The following RUNX2 variants were observed in gnomAD, a reference collection of about 807,000 sequenced individuals.
RUNX2 encodes the protein RUNX family transcription factor 2, also known as runt-related transcription factor 2.
In RUNX2, 10 loss-of-function variants were observed where a neutral mutation model predicts 51.7. The observed-to-expected ratio is 0.19, with a 90% CI of 0.12 to 0.33. The LOEUF (loss-of-function observed/expected upper bound fraction) is 0.33, where lower values mean the gene tolerates loss of function less well. Ranked by LOEUF, RUNX2 falls within the 10% of genes least tolerant of loss-of-function variation. The pLI is 1.00. For synonymous variants in RUNX2, 276 were observed against 273.6 expected, an observed-to-expected ratio of 1.01 and a Z score of -0.09; for missense variants, 562 against 691.3, an observed-to-expected ratio of 0.81 and a Z score of 2.10.
At chr6:45,540,644 A>G (rs549401844) in intron 7 of RUNX2, among the ~76,000 whole-genome samples, 107 of 152,318 alleles carry the variant, frequency 7.0e-4, no homozygotes, top group African/African-American at 2.4e-3. Context: ...CTGTTCCTTT[A>G]AACTATTCAC....
At chr6:45,474,124 C>A (rs1389850478) in intron 5 of RUNX2, among the ~76,000 whole-genome samples, 1 of 152,098 alleles carries the variant, frequency 6.6e-6, no homozygotes, top group South Asian at 2.1e-4. Flanking sequence ...TCTGTCCAAA[C>A]CCTTAGTGCA....
intron 6 of RUNX2, among the ~76,000 whole-genome samples, chr6:45,503,377 AT>A (rs1271231976): frequency 1.3e-5 from 2 of 152,176 alleles, no homozygotes; most frequent in African/African-American, 4.8e-5. Flanking sequence ...ATGAGAGACA[AT>A]TACTAGAACG....
chr6:45,511,802 C>G (rs143816467), intron 6 of RUNX2, among the ~76,000 whole-genome samples: 23 of 152,336 alleles, frequency 1.5e-4, no homozygotes, highest in Admixed American at 2.6e-4. Context: ...GCGAAAGGCA[C>G]AGTCTACATA....
At chr6:45,545,377 G>A in intron 8 of RUNX2, 95 bp downstream of exon 8, 1 of 1,373,942 alleles carries the variant, frequency 7.3e-7, no homozygotes, top group Non-Finnish European at 9.8e-7. Context: ...TTAACTATAT[G>A]TTGCTTTTAA....
intron 7 of RUNX2, among the ~76,000 whole-genome samples, chr6:45,543,974 C>A (rs1213636183): frequency 2.0e-5 from 3 of 150,662 alleles, no homozygotes; most frequent in Non-Finnish European, 4.4e-5. Context: ...GGTACTAGAG[C>A]AAATTGTTAC....
At chr6:45,485,705 A>G (rs915141775) in intron 5 of RUNX2, among the ~76,000 whole-genome samples, 5 of 132,566 alleles carry the variant, frequency 3.8e-5, no homozygotes, top group African/African-American at 1.1e-4. Context: ...GTGTATATAT[A>G]TATATATATA....
Position 45,363,935 on chromosome 6 carries a change from C to T in RUNX2, c.58+35151C>T, listed in dbSNP as rs77513501. Among the ~76,000 whole-genome samples the T allele has an allele frequency of 1.1e-3, 160 of 151,690 alleles. 5 individuals are homozygous for T. The East Asian group carries it at 0.026, about 25-fold the overall frequency. On this transcript the variant is annotated intron_variant, in intron 2 of 8. Transcript: ENST00000647337. ...TTCTAAGTAATTCTGGCCAACATGG[C>T]GAAACCCTGTCTCTACTAAAAATAC...
intron 5 of RUNX2, among the ~76,000 whole-genome samples, chr6:45,450,335 C>T (rs1206561564): frequency 6.6e-6 from 1 of 152,116 alleles, no homozygotes; most frequent in Non-Finnish European, 1.5e-5. Context: ...GCTGACAGAG[C>T]CTTTTTTTTG....
intron 7 of RUNX2, among the ~76,000 whole-genome samples, chr6:45,541,893 G>A (rs116676284): frequency 0.013 from 1,903 of 152,148 alleles, 56 homozygotes; most frequent in African/African-American, 0.043. Context: ...CCCATTTTCC[G>A]TCAACCAACC....
At chr6:45,488,531 G>T (rs1800353679) in intron 5 of RUNX2, among the ~76,000 whole-genome samples, 1 of 152,178 alleles carries the variant, frequency 6.6e-6, no homozygotes. Context: ...ATCACCTTGG[G>T]CAGTGGTTCT....
rs553154980 is a variant in RUNX2 at position 45,533,888 on chromosome 6, CTTTTTTTT to C, written c.1022-11313_1022-11306del. On this transcript the variant is annotated intron_variant, in intron 7 of 8. Transcript: ENST00000647337. ...AATACCGTCCTTTCCCCTGTTGAGA[CTTTTTTTT>C]TTTTTTTTTTTTTTTGGAGACAGAG... Among the ~76,000 whole-genome samples, 8 of 108,086 alleles carry C rather than the reference CTTTTTTTT, an allele frequency of 7.4e-5. 1 individual carries two copies. Among genetic ancestry groups the C allele is most frequent in the African/African-American group, 2.6e-4 (7 of 26,968 alleles). The allele number at this position is 108,086 out of a possible 152,430, so 70.9% of individuals were successfully genotyped here. A position where few individuals can be genotyped will look rare whatever the true frequency, so the allele number is the denominator to read the frequency against.
chr6:45,471,581 A>C (rs1340615907), intron 5 of RUNX2, among the ~76,000 whole-genome samples: 18 of 151,380 alleles, frequency 1.2e-4, no homozygotes, highest in Non-Finnish European at 8.8e-5. Flanking sequence ...AGCAGCTGGG[A>C]CTACAGGCGC....
chr6:45,400,861 C>A (rs1797702717), intron 2 of RUNX2, among the ~76,000 whole-genome samples: 1 of 152,158 alleles, frequency 6.6e-6, no homozygotes, highest in South Asian at 2.1e-4. Flanking sequence ...AAAATGCCTC[C>A]AGCCATATTG....
intron 2 of RUNX2, among the ~76,000 whole-genome samples, chr6:45,385,577 A>G (rs1797331330): frequency 6.6e-6 from 1 of 152,228 alleles, no homozygotes; most frequent in Admixed American, 6.5e-5. Context: ...CATCACAGAA[A>G]CACAACTTAA....
At chr6:45,509,351 C>A (rs2150418999) in intron 6 of RUNX2, among the ~76,000 whole-genome samples, 1 of 152,252 alleles carries the variant, frequency 6.6e-6, no homozygotes, top group African/African-American at 2.4e-5. Flanking sequence ...TTATTATATA[C>A]TTAATATGTG....
intron 1 of RUNX2, 29 bp from the exon 2 acceptor site, chr6:45,328,632 C>G: frequency 6.2e-7 from 1 of 1,608,906 alleles, no homozygotes; most frequent in South Asian, 1.1e-5. Flanking sequence ...AAAACTAAAA[C>G]AAGGTTTGGG....
rs1420822648 is a variant in RUNX2 at position 45,545,199 on chromosome 6, A to G, written c.1022-18A>G. The G allele has an allele frequency of 3.3e-6, 5 of 1,533,302 alleles. No individual in the cohort carries two copies. The highest frequency in any genetic ancestry group is 4.4e-6 in the Non-Finnish European group (5 of 1,134,342). The allele number at this position is 1,533,302 out of a possible 1,614,324, so 95.0% of individuals were successfully genotyped here. On this transcript the variant is annotated intron_variant, in intron 7 of 8. Coordinates refer to ENST00000647337, the MANE Select transcript of RUNX2 (RefSeq NM_001024630.4). ...AGAGCTGGAAGGGAACTTAGAGCTC[A>G]TCCCCCTCATTTTACAGATGATGAC...
intron 2 of RUNX2, among the ~76,000 whole-genome samples, chr6:45,350,591 G>C (rs573906617): frequency 3.9e-5 from 6 of 152,042 alleles, no homozygotes; most frequent in Non-Finnish European, 8.8e-5. Flanking sequence ...AGAAATGAGA[G>C]GGAAAAATAG....
intron 5 of RUNX2, among the ~76,000 whole-genome samples, chr6:45,488,507 T>C (rs745428704): frequency 6.6e-6 from 1 of 152,170 alleles, no homozygotes; most frequent in Non-Finnish European, 1.5e-5. Context: ...TAGTATTTAG[T>C]GCATGAGACT....
Sources: allele counts gnomAD v4.1 joint callset (sites outside exome capture counted in the v4.1 genomes callset), GRCh38; gene constraint gnomAD v4.1.1; transcripts MANE v1.5; gene names NCBI Gene and HGNC (gene_info 2026-07-23, HGNC 2026-07-21).